VMP1: variants seen among roughly 807,000 people sequenced by gnomAD.
The protein encoded by VMP1 is vacuole membrane protein 1, also known as ectopic P-granules autophagy protein 3 homolog.
VMP1 carries 11 observed loss-of-function variants against 56.0 expected under a neutral mutation model. The ratio of observed to expected loss-of-function variants is 0.20; its 90% CI spans 0.12 to 0.32. VMP1 has a LOEUF of 0.32. Ranked by LOEUF, VMP1 falls within the 10% of genes least tolerant of loss-of-function variation. The pLI is 1.00. For missense variants in VMP1, 296 were observed against 490.3 expected (o/e 0.60, Z 3.74); for synonymous variants, 149 against 165.0 (o/e 0.90, Z 0.74).
At chr17:59,721,921 A>G (rs1455117387) in intron 1 of VMP1, among the ~76,000 whole-genome samples, 1 of 152,206 alleles carries the variant, frequency 6.6e-6, no homozygotes, top group Non-Finnish European at 1.5e-5. Flanking sequence ...TCAAGGTGCC[A>G]GCAGGGTTTA....
chr17:59,722,587 C>T (rs1273769104), intron 1 of VMP1, among the ~76,000 whole-genome samples: 1 of 152,098 alleles, frequency 6.6e-6, no homozygotes, highest in Non-Finnish European at 1.5e-5. Flanking sequence ...ATGCCCATAA[C>T]CCCAACACTT....
intron 7 of VMP1, among the ~76,000 whole-genome samples, chr17:59,799,777 A>G (rs962630979): frequency 6.6e-6 from 1 of 152,124 alleles, no homozygotes; most frequent in Non-Finnish European, 1.5e-5. Context: ...AGCCTGGCCA[A>G]CATGGTAAAA....
chr17:59,780,392 A>T (rs1598383941), intron 7 of VMP1, among the ~76,000 whole-genome samples: 1 of 152,292 alleles, frequency 6.6e-6, no homozygotes, highest in South Asian at 2.1e-4. Flanking sequence ...GGAGTTCGAG[A>T]CCAGCCTGGC....
intron 2 of VMP1, among the ~76,000 whole-genome samples, chr17:59,733,479 C>T (rs2034910027): frequency 6.6e-6 from 1 of 151,992 alleles, no homozygotes; most frequent in African/African-American, 2.4e-5. Context: ...GCGTGGATCA[C>T]TTGAGGTCAG....
chr17:59,785,513 A>G (rs552110235), intron 7 of VMP1, among the ~76,000 whole-genome samples: 5 of 152,078 alleles, frequency 3.3e-5, no homozygotes, highest in Non-Finnish European at 5.9e-5. Flanking sequence ...GTAAAAATAC[A>G]AAATTTTTTG....
chr17:59,796,594 T>C (rs764176489), intron 7 of VMP1, among the ~76,000 whole-genome samples: 31 of 152,324 alleles, frequency 2.0e-4, no homozygotes, highest in Non-Finnish European at 3.1e-4. Flanking sequence ...CATTTTTTTC[T>C]AAGCAATTAT....
Position 59,731,401 on chromosome 17 carries a change from A to AT in VMP1, c.-26-16dup. On this transcript the variant is annotated intron_variant, in intron 1 of 11. Transcript: ENST00000262291. The stretch of plus-strand genomic sequence containing the variant: ...GCAGAAGTTTGTAATGTATTGCTGG[A>AT]TTTTATTTTGCTGTATTAGCTCCTC... 1.3e-6 allele frequency: 2 copies of AT among 1,485,950 alleles called. No homozygotes were observed. 92.0% of individuals were successfully genotyped at this position (1,485,950 alleles called of 1,614,324 possible).
At position 59,759,903 on chromosome 17, in the gene VMP1, G is replaced by GT. The variant is rs58618508; in HGVS notation, c.415-5048dup. Reference sequence around the variant, plus strand: ...GTTTTGTTTTGTTTTGTTTTTTGGTGTTTTTTTTTTTTTTTTTTTTGGTAT... The same window carrying GT: ...GTTTTGTTTTGTTTTGTTTTTTGGTGTTTTTTTTTTTTTTTTTTTTTGGTAT... On this transcript the variant is annotated intron_variant, in intron 5 of 11. Coordinates refer to ENST00000262291, the MANE Select transcript of VMP1 (RefSeq NM_030938.5). 7.2e-3 allele frequency among the ~76,000 whole-genome samples: 702 copies of GT among 97,764 alleles called. 3 individuals carry two copies. Among genetic ancestry groups the GT allele is most frequent in the African/African-American group, 0.012 (401 of 32,916 alleles). 64.1% of individuals were successfully genotyped at this position (97,764 alleles called of 152,430 possible).
chr17:59,808,741 A>G (rs2037934426), intron 7 of VMP1, 55 bp from the exon 8 acceptor site: 2 of 1,348,742 alleles, frequency 1.5e-6, no homozygotes, highest in Non-Finnish European at 2.1e-6. Flanking sequence ...AGAAAGAACC[A>G]TCTTTCCTTC....
intron 10 of VMP1, among the ~76,000 whole-genome samples, chr17:59,836,719 GT>G (rs5821283): frequency 0.034 from 4,780 of 138,664 alleles, 271 homozygotes; most frequent in African/African-American, 0.12. Context: ...GGGCAGTTTG[GT>G]TTTTTTTTTT....
At chr17:59,712,428 A>G (rs575538017) in intron 1 of VMP1, among the ~76,000 whole-genome samples, 41 of 152,344 alleles carry the variant, frequency 2.7e-4, no homozygotes, top group African/African-American at 8.9e-4. Flanking sequence ...GAATTTGGCA[A>G]TTGAAACTTT....
In VMP1 at chr17:59,838,445, G is replaced by A. The variant is rs548133375; in HGVS notation, c.1077+48G>A. On this transcript the variant is annotated intron_variant, in intron 11 of 11. Transcript: ENST00000262291. ...TCTCCCCTCTGGGAAGTTTCGGGCT[G>A]AAATTACATTCACAGCTCTCACTCA... is the stretch of plus-strand genomic sequence containing the variant. 16 of 1,581,210 alleles carry A rather than the reference G, an allele frequency of 1.0e-5. No individual in the cohort carries two copies. In the African/African-American group the frequency reaches 2.2e-4, roughly 21 times the overall value.
Position 59,818,518 on chromosome 17 carries a change from C to T in VMP1, c.974+745C>T, listed in dbSNP as rs1367973544. Reference sequence around the variant, plus strand: ...AGGCACGGTGGCTGATGCCTGTAATCCCAGCACTTTGGGAGGCCAGGGCAG... The same window carrying T: ...AGGCACGGTGGCTGATGCCTGTAATTCCAGCACTTTGGGAGGCCAGGGCAG... On this transcript the variant is annotated intron_variant, in intron 10 of 11. Transcript: ENST00000262291. Among the ~76,000 whole-genome samples, 4 of 152,264 alleles carry T rather than the reference C, an allele frequency of 2.6e-5. No individual in the cohort carries two copies. The South Asian group carries it at 8.3e-4, about 32-fold the overall frequency.
Position 59,725,016 on chromosome 17 carries a change from G to A in VMP1, c.-26-6405G>A, listed in dbSNP as rs542010060. Among the ~76,000 whole-genome samples the A allele has an allele frequency of 2.7e-4, 40 of 150,550 alleles. No homozygotes were observed. The South Asian group carries it at 8.0e-3, about 30-fold the overall frequency. On this transcript the variant is annotated intron_variant, in intron 1 of 11. Transcript: ENST00000262291. ...AAAAAAAACAACAAAAATTAGCCAG[G>A]TGTGGTAGTGGGTGCCTGTAGTCCC...
rs1342981296 is a variant in VMP1 at position 59,841,385 on chromosome 17, A to G, written c.*1474A>G. The G allele has an allele frequency of 4.2e-6, 2 of 479,788 alleles. No homozygotes were observed. Among genetic ancestry groups the G allele is most frequent in the South Asian group, 1.5e-5 (1 of 65,758 alleles). 29.7% of individuals were successfully genotyped at this position (479,788 alleles called of 1,614,324 possible). ...ATCCATATCCAATGTTCTCATTTAA[A>G]CATTACCCAGCATCATTGTTTATAA... On this transcript the variant is annotated 3_prime_UTR_variant, in exon 12 of 12. Transcript: ENST00000262291.
chr17:59,727,132 T>G (rs576121009), intron 1 of VMP1, among the ~76,000 whole-genome samples: 27 of 140,360 alleles, frequency 1.9e-4, no homozygotes, highest in Middle Eastern at 3.6e-3. Flanking sequence ...AGACTTTTTG[T>G]TTTTTTTTGT....
intron 11 of VMP1, 198 bp from the exon 12 acceptor site, chr17:59,839,570 C>G: frequency 1.6e-6 from 1 of 620,092 alleles, no homozygotes; most frequent in Non-Finnish European, 2.7e-6. Flanking sequence ...GATTTTACAT[C>G]CAACAAAGTG....
chr17:59,786,385 G>A (rs1349864365), intron 7 of VMP1, among the ~76,000 whole-genome samples: 1 of 152,130 alleles, frequency 6.6e-6, no homozygotes, highest in Admixed American at 6.6e-5. Context: ...AAGTGTGTGC[G>A]GTTGCAGTTG....
At chr17:59,749,391 A>T (rs2035557410) in intron 5 of VMP1, among the ~76,000 whole-genome samples, 1 of 152,182 alleles carries the variant, frequency 6.6e-6, no homozygotes, top group East Asian at 1.9e-4. Flanking sequence ...GAGACTGGCC[A>T]AGGATAGGCC....
Sources: gnomAD v4.1 joint callset for allele counts (sites outside exome capture counted in the v4.1 genomes callset) on GRCh38, gnomAD v4.1.1 for gene constraint, MANE v1.5 for transcripts, NCBI Gene and HGNC (gene_info 2026-07-23, HGNC 2026-07-21) for gene names.